The following ANO7 variants were observed in gnomAD, a reference collection of about 807,000 sequenced individuals.
ANO7 encodes anoctamin-7.
ANO7 carries 114 observed loss-of-function variants against 115.8 expected under a neutral mutation model. That is an observed-to-expected ratio of 0.98 (90% CI 0.85 to 1.15). ANO7 has a LOEUF of 1.15. ANO7 is among the 50% of genes most tolerant of loss of function. ANO7 has a pLI of 0.00. For synonymous variants in ANO7, 550 were observed against 498.2 expected (o/e 1.10, Z -1.38); for missense variants, 1,302 against 1,201.2 (o/e 1.08, Z -1.24).
chr2:241,218,686 G>T lies in ANO7; in HGVS notation c.2321+305G>T, dbSNP rs190191555. Among the ~76,000 whole-genome samples, 591 of 152,346 alleles carry T rather than the reference G, an allele frequency of 3.9e-3. 1 individual carries two copies. The highest frequency in any genetic ancestry group is 7.8e-3 in the Admixed American group (120 of 15,308). On this transcript the variant is annotated intron_variant, in intron 21 of 24. Transcript: ENST00000674324. ...CAGACACCGGATTAAAGAAGGAAGA[G>T]GTTTTTTTATTCGGCCGGGGGCGTC...
Position 241,188,805 on chromosome 2 carries a change from G to A in ANO7, c.-8+39G>A, listed in dbSNP as rs1276741171. ...CTAGACGTGTGGGCCACAGGGAGAA[G>A]GTGGAGCGTTGGACTCTAGGGAGGC... is the stretch of plus-strand genomic sequence containing the variant. On this transcript the variant is annotated intron_variant, in intron 1 of 24. Transcript: ENST00000674324. This position sits in a 1 kb window ranked among gnomAD's most constrained non-coding sequence, Gnocchi z 4.3. The A allele has an allele frequency of 1.3e-6, 2 of 1,599,230 alleles. No homozygotes were observed. The highest frequency in any genetic ancestry group is 1.3e-5 in the African/African-American group (1 of 74,488).
intron 21 of ANO7, among the ~76,000 whole-genome samples, chr2:241,221,024 G>A (rs1013271296): frequency 6.6e-6 from 1 of 151,796 alleles, no homozygotes; most frequent in Admixed American, 6.6e-5. Flanking sequence ...ATGCCTGCTG[G>A]TGAAACAAAT....
chr2:241,193,176 TCTC>T (rs771351177), intron 3 of ANO7, among the ~76,000 whole-genome samples: 21 of 151,916 alleles, frequency 1.4e-4, no homozygotes, highest in Non-Finnish European at 1.9e-4. Flanking sequence ...TTCGCACCAT[TCTC>T]CTGCCTCAGC....
At position 241,190,186 on chromosome 2, in the gene ANO7, G is replaced by C. The variant is rs2068162209; in HGVS notation, c.108+15G>C. ...ACGCCTCGGAGGTAACAGCACCCAG[G>C]AGACTGTGGTGCGACTTGAGAGGTC... is the stretch of plus-strand genomic sequence containing the variant. On this transcript the variant is annotated intron_variant, in intron 2 of 24. Transcript: ENST00000674324. 4 of 1,549,966 alleles carry C rather than the reference G, an allele frequency of 2.6e-6. No homozygotes were observed. Among genetic ancestry groups the C allele is most frequent in the Non-Finnish European group, 1.7e-6 (2 of 1,146,030 alleles).
At chr2:241,189,172 A>T (rs1402016851) in intron 1 of ANO7, among the ~76,000 whole-genome samples, 2 of 151,756 alleles carry the variant, frequency 1.3e-5, no homozygotes, top group African/African-American at 4.8e-5. Context: ...CACAGTCCGT[A>T]GTGAGGCTCC....
intron 17 of ANO7, among the ~76,000 whole-genome samples, chr2:241,213,206 C>CAGG (rs142516980): frequency 1.6e-5 from 2 of 128,060 alleles, no homozygotes; most frequent in African/African-American, 9.3e-5. Flanking sequence ...TCATGGCACA[C>CAGG]GGCCCGCAGG....
chr2:241,239,892 G>A, the ANO7 span: 1,568 of 1,613,176 alleles, frequency 9.7e-4, 18 homozygotes, highest in African/African-American at 0.018. This position sits in a 1 kb window ranked among gnomAD's most constrained non-coding sequence, Gnocchi z 4.6. Flanking sequence ...GCCGAGGCCC[G>A]CTCCCTACCA....
chr2:241,214,566 A>T (rs1442957130), intron 17 of ANO7, among the ~76,000 whole-genome samples: 1 of 152,168 alleles, frequency 6.6e-6, no homozygotes, highest in Non-Finnish European at 1.5e-5. Flanking sequence ...GGGTGCCATT[A>T]GGTACATATA....
rs754265566 is a variant in ANO7, at chr2:241,225,593, C to T, written c.*1440C>T. On this transcript the variant is annotated 3_prime_UTR_variant, in exon 25 of 25. Transcript: ENST00000674324. The stretch of plus-strand genomic sequence containing the variant: ...TTGATGAGTACTGCCAAACTTACTC[C>T]ACAGAAAAGGCCTCTTTCTGAACAT... Among the ~76,000 whole-genome samples the T allele has an allele frequency of 6.6e-6, 1 of 152,228 alleles. No individual in the cohort carries two copies.
intron 22 of ANO7, 67 bp from the exon 23 acceptor site, chr2:241,223,595 C>G: frequency 1.3e-6 from 2 of 1,579,668 alleles, no homozygotes; most frequent in Non-Finnish European, 1.7e-6. Flanking sequence ...GGAGCCCCGG[C>G]CTGCCTGGCC....
the ANO7 span, chr2:241,235,582 C>T: frequency 6.2e-7 from 1 of 1,613,424 alleles, no homozygotes; most frequent in African/African-American, 1.3e-5. Flanking sequence ...TCAATGGTGA[C>T]AGGAACCAAT....
intron 4 of ANO7, 66 bp from the exon 5 acceptor site, chr2:241,199,250 A>G: frequency 7.3e-7 from 1 of 1,368,142 alleles, no homozygotes; most frequent in Non-Finnish European, 1.0e-6. Context: ...GTGCGAATGG[A>G]CACACACATG....
rs769417028 is a variant in ANO7 at position 241,218,203 on chromosome 2, C to T, written c.2179-36C>T. The T allele has an allele frequency of 1.4e-5, 19 of 1,323,488 alleles. No homozygotes were observed. The South Asian group carries it at 2.8e-4, about 20-fold the overall frequency. The allele number at this position is 1,323,488 out of a possible 1,614,324, so 82.0% of individuals were successfully genotyped here. A position where few individuals can be genotyped will look rare whatever the true frequency, so the allele number is the denominator to read the frequency against. On this transcript the variant is annotated intron_variant, in intron 20 of 24. Transcript: ENST00000674324. Reference sequence around the variant, plus strand: ...GGAGCGGGGGCGCGCAGGGGCGGAGCGGGGGCCGCCTCGCGCTGACCCCTC... The same window carrying T: ...GGAGCGGGGGCGCGCAGGGGCGGAGTGGGGGCCGCCTCGCGCTGACCCCTC...
In ANO7 at chr2:241,225,548, A is replaced by G. The variant is rs2069140753; in HGVS notation, c.*1395A>G. On this transcript the variant is annotated 3_prime_UTR_variant, in exon 25 of 25. Transcript: ENST00000674324. ...TCGGGAACACACACACACAAAAAGAATATGTGGTTTTAATGTGCTTTGATG... is the reference window on the plus strand; with the variant it reads ...TCGGGAACACACACACACAAAAAGAGTATGTGGTTTTAATGTGCTTTGATG... 2.6e-5 allele frequency among the ~76,000 whole-genome samples: 4 copies of G among 152,226 alleles called. No individual in the cohort carries two copies. The South Asian group carries it at 6.2e-4, about 24-fold the overall frequency.
rs1410550635 is a variant in ANO7, at chr2:241,202,193, G to A, written c.613-1G>A. 3 of 1,613,262 alleles carry A rather than the reference G, an allele frequency of 1.9e-6. No homozygotes were observed. The highest frequency in any genetic ancestry group is 2.2e-5 in the East Asian group (1 of 44,892). ...TGCGCCATCCTCCACATCCCCTGCA[G>A]CTGTTTGAGATCCTGGCCAAGACCC... On this transcript the variant is annotated splice_acceptor_variant, in intron 7 of 24. Transcript: ENST00000674324. LOFTEE classifies it high-confidence loss of function.
chr2:241,229,275 A>G, downstream of ANO7: 2 of 292,090 alleles, frequency 6.8e-6, no homozygotes, highest in Non-Finnish European at 1.3e-5. Flanking sequence ...GTGGAATCCT[A>G]GCCACGGCTG....
Position 241,212,268 on chromosome 2 carries a change from G to A in ANO7, c.1673+63G>A, listed in dbSNP as rs575762319. 5.8e-5 allele frequency: 84 copies of A among 1,458,576 alleles called. No individual in the cohort carries two copies. The East Asian group carries it at 1.1e-3, about 20-fold the overall frequency. The allele number at this position is 1,458,576 out of a possible 1,614,324, so 90.4% of individuals were successfully genotyped here. On this transcript the variant is annotated intron_variant, in intron 16 of 24. Transcript: ENST00000674324. ...CGGCTTAGTTCTGCTCATGTTTCCC[G>A]CTGCCTGGGTACCAGGCGTCATCCA...
the ANO7 span, among the ~76,000 whole-genome samples, chr2:241,235,870 G>T: frequency 6.6e-6 from 1 of 152,150 alleles, no homozygotes; most frequent in Admixed American, 6.5e-5. Flanking sequence ...AGGAGGAGAG[G>T]CCCTGACTCC....
intron 16 of ANO7, 143 bp from the exon 17 acceptor site, chr2:241,212,429 C>G: frequency 9.7e-7 from 1 of 1,026,494 alleles, no homozygotes; most frequent in Non-Finnish European, 1.5e-6. Context: ...ACAGGAGGCC[C>G]AGCTCACAAC....
Sources: allele counts gnomAD v4.1 joint callset (sites outside exome capture counted in the v4.1 genomes callset), GRCh38; gene constraint gnomAD v4.1.1; non-coding constraint Gnocchi (gnomAD v3.1); transcripts MANE v1.5; gene names NCBI Gene and HGNC (gene_info 2026-07-23, HGNC 2026-07-21).